The following TTC17 variants were observed in gnomAD, a reference collection of about 807,000 sequenced individuals.
TTC17 encodes the protein tetratricopeptide repeat protein 17.
A neutral mutation model predicts 143.8 loss-of-function variants in TTC17; 58 were observed. That is an observed-to-expected ratio of 0.40 (90% CI 0.33 to 0.50). The LOEUF (loss-of-function observed/expected upper bound fraction) is 0.50. TTC17 is among the 20% of genes least tolerant of loss of function. TTC17 has a pLI of 0.49. For missense variants in TTC17, 1,273 were observed against 1,392.5 expected, an observed-to-expected ratio of 0.91 and a Z score of 1.37; for synonymous variants, 501 against 497.8, an observed-to-expected ratio of 1.01 and a Z score of -0.09.
chr11:43,456,837 C>G (rs988772502), intron 21 of TTC17, among the ~76,000 whole-genome samples: 4 of 151,866 alleles, frequency 2.6e-5, no homozygotes, highest in Non-Finnish European at 4.4e-5. Flanking sequence ...AGTTTTTTTT[C>G]CAAGGAGCAT....
chr11:43,419,002 CTTATA>C (rs898479320), intron 16 of TTC17, among the ~76,000 whole-genome samples: 3 of 151,846 alleles, frequency 2.0e-5, no homozygotes, highest in African/African-American at 7.3e-5. Flanking sequence ...TATTATTTTT[CTTATA>C]TTAGCATAAA....
chr11:43,435,919 A>T (rs1474420848), intron 16 of TTC17, among the ~76,000 whole-genome samples: 1 of 152,202 alleles, frequency 6.6e-6, no homozygotes, highest in Admixed American at 6.5e-5. Context: ...TTGTTGTTAC[A>T]GTTGTTTTTC....
intron 16 of TTC17, among the ~76,000 whole-genome samples, chr11:43,438,626 A>G (rs1947345254): frequency 6.6e-6 from 1 of 152,186 alleles, no homozygotes; most frequent in South Asian, 2.1e-4. Context: ...TACTCATGCA[A>G]GACTTTCTGG....
In TTC17 at chr11:43,394,253, G is replaced by C. The variant is rs150166319; in HGVS notation, c.663+2301G>C. Among the ~76,000 whole-genome samples the C allele has an allele frequency of 1.9e-3, 291 of 152,354 alleles. 3 individuals are homozygous for C. The highest frequency in any genetic ancestry group is 6.0e-3 in the South Asian group (29 of 4,830). On this transcript the variant is annotated intron_variant, in intron 5 of 23. Coordinates refer to ENST00000039989, the MANE Select transcript of TTC17 (RefSeq NM_018259.6). ...AAGCCAGAGAAGTAGGCCAGTGCCA[G>C]ATTATGTAAGGGTCTGAAATCCAGG...
chr11:43,377,984 G>T (rs1191200452), intron 1 of TTC17, among the ~76,000 whole-genome samples: 1 of 152,056 alleles, frequency 6.6e-6, no homozygotes, highest in East Asian at 1.9e-4. Context: ...GGTCACTGTA[G>T]CCTCTACCTC....
intron 21 of TTC17, among the ~76,000 whole-genome samples, chr11:43,473,038 G>A (rs545439322): frequency 1.1e-4 from 16 of 151,918 alleles, no homozygotes; most frequent in Admixed American, 3.3e-4. Context: ...AACCATGTGC[G>A]GTGGTGCGTG....
chr11:43,398,827 T>C (rs1394321399), intron 8 of TTC17, among the ~76,000 whole-genome samples: 1 of 152,228 alleles, frequency 6.6e-6, no homozygotes, highest in African/African-American at 2.4e-5. Context: ...CATTAAACTT[T>C]TGTATTTGCT....
chr11:43,361,886 C>T (rs1565124963), intron 1 of TTC17, among the ~76,000 whole-genome samples: 1 of 151,990 alleles, frequency 6.6e-6, no homozygotes, highest in East Asian at 1.9e-4. Context: ...ATTAAACACA[C>T]CCAGATTAGA....
At chr11:43,479,649 G>T (rs965265120) in intron 21 of TTC17, among the ~76,000 whole-genome samples, 2 of 152,198 alleles carry the variant, frequency 1.3e-5, no homozygotes, top group African/African-American at 4.8e-5. Context: ...TCAGGGTACT[G>T]TCAGGAAAAC....
chr11:43,396,608 T>G (rs1857601791), intron 5 of TTC17, 101 bp from the exon 6 acceptor site: 1 of 583,548 alleles, frequency 1.7e-6, no homozygotes, highest in Non-Finnish European at 2.9e-6. Flanking sequence ...CTTCTTCATC[T>G]TGAATTTCAG....
At chr11:43,363,374 G>GA (rs1205253622) in intron 1 of TTC17, among the ~76,000 whole-genome samples, 4 of 151,944 alleles carry the variant, frequency 2.6e-5, no homozygotes, top group Admixed American at 1.3e-4. Context: ...TCATTTTGTT[G>GA]AAAAAAATAT....
chr11:43,397,561 C>G (rs1357943667), intron 7 of TTC17, 70 bp downstream of exon 7: 4 of 1,392,544 alleles, frequency 2.9e-6, no homozygotes, highest in East Asian at 4.7e-5. Flanking sequence ...TTTCTCCCCC[C>G]TCAGTAGAAT....
At chr11:43,481,363 TATG>T (rs1404827887) in intron 21 of TTC17, among the ~76,000 whole-genome samples, 1 of 152,172 alleles carries the variant, frequency 6.6e-6, no homozygotes, top group Non-Finnish European at 1.5e-5. Flanking sequence ...TTTTTTTTAT[TATG>T]TTTTTGTGAA....
chr11:43,385,201 G>A (rs1318372378), intron 2 of TTC17, among the ~76,000 whole-genome samples: 2 of 152,096 alleles, frequency 1.3e-5, no homozygotes, highest in Non-Finnish European at 2.9e-5. Flanking sequence ...TCTATATGTA[G>A]ATGTATACAG....
At chr11:43,389,585 T>C (rs1012394526) in intron 2 of TTC17, 67 bp from the exon 3 acceptor site, 3 of 1,456,074 alleles carry the variant, frequency 2.1e-6, no homozygotes, top group Non-Finnish European at 2.7e-6. Context: ...GATTCCCCTT[T>C]CTCTTCAATG....
chr11:43,486,396 G>C (rs1257532558), intron 21 of TTC17: 1 of 452,158 alleles, frequency 2.2e-6, no homozygotes, highest in African/African-American at 2.0e-5. Context: ...TGTAAAACTG[G>C]ATGCTATCCA....
chr11:43,462,833 GTTA>G (rs1033443389), intron 21 of TTC17, among the ~76,000 whole-genome samples: 1 of 151,770 alleles, frequency 6.6e-6, no homozygotes, highest in Non-Finnish European at 1.5e-5. Context: ...ACTGATAGCA[GTTA>G]TTATTGTAGC....
In TTC17 at chr11:43,389,817, A is replaced by G. The variant is rs1857309628; in HGVS notation, c.415A>G (p.Ile139Val). ...ATACATAACTTTGGAGAGCAAAGAC[A>G]TCAGGTAAAGAAGTTCTCTTTCCAA... ...GTYITLESKD[I>V]SPEDYIDTES... Residue 139 changes from isoleucine (I) to valine (V), a missense_variant, in exon 3 of 24, where the codon ATC (isoleucine) becomes GTC (valine). Ile to Val is a conservative substitution (Grantham distance 29, BLOSUM62 3). Around this residue, in one of 3 missense-constraint regions of TTC17, gnomAD observed 325 missense variants for 444.2 expected, o/e 0.73. Transcript: ENST00000039989. 1 of 1,594,640 alleles carries G rather than the reference A, an allele frequency of 6.3e-7. No homozygotes were observed. Among genetic ancestry groups the G allele is most frequent in the Non-Finnish European group, 8.5e-7 (1 of 1,174,434 alleles).
In TTC17 at chr11:43,405,799, A is replaced by T; in HGVS notation, c.1609A>T (p.Ser537Cys). Residue 537 changes from serine (S) to cysteine (C), a missense_variant, in exon 13 of 24, where the codon AGC becomes TGC. Physicochemically the swap from Ser to Cys is moderately radical, Grantham distance 112. Around this residue, in one of 3 missense-constraint regions of TTC17, gnomAD observed 878 missense variants for 899.8 expected, o/e 0.98. Coordinates refer to ENST00000039989, the MANE Select transcript of TTC17 (RefSeq NM_018259.6). ...ENKGLRIHEL[S>C]SDDYSTEEEA... ...TTCTTGTGCCAGGATCCACGAACTC[A>T]GCAGTGATGATTATTCTACAGAAGA... is the stretch of plus-strand genomic sequence containing the variant. The T allele has an allele frequency of 6.2e-7, 1 of 1,613,938 alleles. No homozygotes were observed. The highest frequency in any genetic ancestry group is 8.5e-7 in the Non-Finnish European group (1 of 1,179,906).
Sources: gnomAD v4.1 joint callset for allele counts (sites outside exome capture counted in the v4.1 genomes callset) on GRCh38, gnomAD v4.1.1 for gene constraint, gnomAD v4.1.1 regional missense constraint, MANE v1.5 for transcripts, NCBI Gene and HGNC (gene_info 2026-07-23, HGNC 2026-07-21) for gene names.